Variants in PPARGC1A observed in about 807,000 individuals in gnomAD.
The protein encoded by PPARGC1A is peroxisome proliferator-activated receptor gamma coactivator 1-alpha.
A neutral mutation model predicts 88.7 loss-of-function variants in PPARGC1A; 25 were observed. That is an observed-to-expected ratio of 0.28 (90% CI 0.21 to 0.39). The LOEUF (loss-of-function observed/expected upper bound fraction) is 0.39. PPARGC1A is among the 10% of genes least tolerant of loss of function. PPARGC1A has a pLI of 1.00. For synonymous variants in PPARGC1A, 363 were observed against 355.6 expected (o/e 1.02, Z -0.24); for missense variants, 880 against 968.7 (o/e 0.91, Z 1.22).
chr4:23,935,498 T>C, the PPARGC1A span, among the ~76,000 whole-genome samples: 1 of 152,190 alleles, frequency 6.6e-6, no homozygotes, highest in Non-Finnish European at 1.5e-5. Flanking sequence ...ATATCAATTT[T>C]TGTATCAGGC....
At chr4:24,031,367 C>G in the PPARGC1A span, among the ~76,000 whole-genome samples, 6 of 152,236 alleles carry the variant, frequency 3.9e-5, no homozygotes, top group East Asian at 7.7e-4. Flanking sequence ...CACATGACAC[C>G]TCACCTTTGT....
the PPARGC1A span, among the ~76,000 whole-genome samples, chr4:23,961,117 T>C: frequency 1.3e-5 from 2 of 152,122 alleles, no homozygotes; most frequent in Non-Finnish European, 2.9e-5. Flanking sequence ...GCAATAATAA[T>C]GTCAGGAAAG....
the PPARGC1A span, among the ~76,000 whole-genome samples, chr4:23,947,249 A>G: frequency 6.6e-6 from 1 of 151,422 alleles, no homozygotes; most frequent in African/African-American, 2.4e-5. Flanking sequence ...TTGTGTGCCT[A>G]CTGTGTGCCA....
chr4:24,196,825 AT>A, the PPARGC1A span, among the ~76,000 whole-genome samples: 8 of 152,316 alleles, frequency 5.3e-5, no homozygotes, highest in Non-Finnish European at 1.0e-4. Flanking sequence ...TGCCCCTTGA[AT>A]TTATTTCTGT....
chr4:24,369,890 G>C, the PPARGC1A span, among the ~76,000 whole-genome samples: 2 of 152,248 alleles, frequency 1.3e-5, no homozygotes, highest in Non-Finnish European at 2.9e-5. Flanking sequence ...GTCACCTGCA[G>C]TGTGAGATGA....
the PPARGC1A span, among the ~76,000 whole-genome samples, chr4:24,056,530 T>G: frequency 6.6e-6 from 1 of 152,208 alleles, no homozygotes; most frequent in African/African-American, 2.4e-5. Flanking sequence ...AGAAAAGCAC[T>G]CATTTTTTTG....
chr4:24,321,047 C>A, the PPARGC1A span, among the ~76,000 whole-genome samples: 4 of 152,208 alleles, frequency 2.6e-5, no homozygotes, highest in Non-Finnish European at 4.4e-5. Flanking sequence ...TAGGGCCTGA[C>A]TCCTCTTCGT....
At chr4:24,303,443 C>A in the PPARGC1A span, among the ~76,000 whole-genome samples, 3 of 152,132 alleles carry the variant, frequency 2.0e-5, no homozygotes, top group African/African-American at 7.2e-5. Context: ...TGTATTGGGG[C>A]CATCACACTC....
intron 7 of PPARGC1A, chr4:23,820,310 A>G (rs1234883759): frequency 1.3e-5 from 2 of 152,452 alleles, no homozygotes; most frequent in African/African-American, 4.8e-5. Context: ...ATCTGATTAT[A>G]TTTTTTGCTC....
At chr4:24,407,250 T>A in the PPARGC1A span, among the ~76,000 whole-genome samples, 127 of 152,318 alleles carry the variant, frequency 8.3e-4, no homozygotes, top group Middle Eastern at 0.014. Context: ...ATGTATAAAC[T>A]GCAAATTGCA....
chr4:23,804,626 C>G (rs992753448), intron 10 of PPARGC1A, among the ~76,000 whole-genome samples: 1 of 152,190 alleles, frequency 6.6e-6, no homozygotes, highest in South Asian at 2.1e-4. Flanking sequence ...ACCTACAAGG[C>G]CCTGTATGGT....
At chr4:23,937,914 C>T in the PPARGC1A span, among the ~76,000 whole-genome samples, 6 of 152,136 alleles carry the variant, frequency 3.9e-5, no homozygotes, top group Non-Finnish European at 8.8e-5. Flanking sequence ...TTCACAATGT[C>T]CCAAAGGAAA....
At chr4:24,419,768 A>G in the PPARGC1A span, among the ~76,000 whole-genome samples, 1 of 152,094 alleles carries the variant, frequency 6.6e-6, no homozygotes, top group African/African-American at 2.4e-5. Flanking sequence ...TCACATTCAA[A>G]CTATTTCCTG....
chr4:24,255,503 C>T, the PPARGC1A span, among the ~76,000 whole-genome samples: 8 of 152,282 alleles, frequency 5.3e-5, no homozygotes, highest in South Asian at 2.1e-4. Flanking sequence ...TTTTTACTTA[C>T]GGCTTTCCAT....
chr4:23,998,086 G>T, the PPARGC1A span, among the ~76,000 whole-genome samples: 1 of 152,206 alleles, frequency 6.6e-6, no homozygotes, highest in Non-Finnish European at 1.5e-5. Context: ...CTCAGTTCTT[G>T]TTATGAAGTT....
exon 1 of PPARGC1A, chr4:23,899,286 A>G (rs1719010100): frequency 6.6e-6 from 1 of 152,220 alleles, no homozygotes; most frequent in Non-Finnish European, 1.5e-5. Flanking sequence ...TCCTGTGGGT[A>G]TGTTCAGCTT....
chr4:24,312,150 A>AG, the PPARGC1A span, among the ~76,000 whole-genome samples: 2 of 152,282 alleles, frequency 1.3e-5, no homozygotes, highest in Admixed American at 1.3e-4. Context: ...CTCTCAAAAG[A>AG]ACTCTTGCCC....
chr4:24,020,870 C>T, the PPARGC1A span, among the ~76,000 whole-genome samples: 1 of 152,200 alleles, frequency 6.6e-6, no homozygotes, highest in African/African-American at 2.4e-5. Context: ...ACCTGTTTCT[C>T]TTCATTCTGT....
At chr4:24,127,118 C>T in the PPARGC1A span, among the ~76,000 whole-genome samples, 22 of 152,244 alleles carry the variant, frequency 1.4e-4, no homozygotes, top group African/African-American at 2.2e-4. Context: ...TGAGCCATGC[C>T]GTGAGGTTTT....
Sources: gnomAD v4.1 joint callset for allele counts (sites outside exome capture counted in the v4.1 genomes callset) on GRCh38, gnomAD v4.1.1 for gene constraint, MANE v1.5 for transcripts, NCBI Gene and HGNC (gene_info 2026-07-23, HGNC 2026-07-21) for gene names.